Variants in PARP10 observed in about 807,000 individuals in gnomAD.
PARP10 encodes the protein protein mono-ADP-ribosyltransferase PARP10.
Under a neutral mutation model 82.4 loss-of-function variants are expected in PARP10, and 56 were observed. The observed-to-expected ratio is 0.68, with a 90% CI of 0.55 to 0.85. PARP10 has a LOEUF of 0.85. Among genes scored for constraint, PARP10 ranks in the 40% least tolerant of loss-of-function variants. The pLI, the probability that PARP10 is intolerant of heterozygous loss-of-function variation, is 0.00. For synonymous variants in PARP10, 576 were observed against 601.1 expected, an observed-to-expected ratio of 0.96 and a Z score of 0.61; for missense variants, 1,227 against 1,379.4, an observed-to-expected ratio of 0.89 and a Z score of 1.75.
chr8:143,991,393 AC>A, upstream of PARP10: 3 of 1,128,256 alleles, frequency 2.7e-6, no homozygotes, highest in Non-Finnish European at 3.7e-6. Flanking sequence ...CAGCCAGGGT[AC>A]CCCCATGGCC....
At chr8:143,991,375 C>T (rs782305188), upstream of PARP10, 29 of 1,212,580 alleles carry the variant, frequency 2.4e-5, no homozygotes, top group Non-Finnish European at 3.3e-5. Flanking sequence ...CAGCCCTCCC[C>T]CTACGGTCAG....
intron 5 of PARP10, 24 bp downstream of exon 5, chr8:143,984,520 G>A (rs782218190): frequency 1.9e-6 from 3 of 1,594,980 alleles, no homozygotes; most frequent in African/African-American, 1.3e-5. Context: ...GGCTGAAGGT[G>A]AGGAGTCCTG....
At chr8:144,007,785 C>T (rs1342369013) in intron 1 of PARP10, among the ~76,000 whole-genome samples, 2 of 152,178 alleles carry the variant, frequency 1.3e-5, no homozygotes, top group African/African-American at 4.8e-5. Context: ...CAAGCCCTGA[C>T]CTTGACAGCT....
In PARP10 at chr8:144,011,967, G is replaced by T. The variant is rs567435395; in HGVS notation, c.-80+563C>A. 8.5e-5 allele frequency among the ~76,000 whole-genome samples: 13 copies of T among 152,300 alleles called. No homozygotes were observed. Among genetic ancestry groups the T allele is most frequent in the Admixed American group, 2.0e-4 (3 of 15,292 alleles). The stretch of plus-strand genomic sequence containing the variant: ...GCATGTTCAAGATCACCAAGAAGGG[G>T]CATCCTGGCCAGGAAGGTGGAGTGG... On this transcript the variant is annotated intron_variant, in intron 1 of 3. Transcript: ENST00000530478. The surrounding 1 kb of genome is among the most constrained non-coding windows in gnomAD (Gnocchi z 4.5).
chr8:144,003,160 C>T (rs1190085092), intron 1 of PARP10, among the ~76,000 whole-genome samples: 2 of 152,126 alleles, frequency 1.3e-5, no homozygotes, highest in South Asian at 2.1e-4. Flanking sequence ...CGGTGGCTCA[C>T]GCTTGTAATT....
upstream of PARP10, chr8:143,991,358 C>T (rs782607968): frequency 1.5e-5 from 19 of 1,243,090 alleles, no homozygotes; most frequent in South Asian, 2.7e-4. Context: ...ACCCACAGCC[C>T]CCTTTCCAGC....
upstream of PARP10, chr8:143,991,045 GC>G (rs1348855771): frequency 4.2e-6 from 2 of 470,840 alleles, no homozygotes; most frequent in African/African-American, 2.0e-5. Context: ...GCTTCTCCGG[GC>G]CCAGGCTCCG....
At chr8:143,999,572 G>A (rs376547004) in intron 1 of PARP10, among the ~76,000 whole-genome samples, 39 of 151,684 alleles carry the variant, frequency 2.6e-4, no homozygotes, top group Admixed American at 2.2e-3. Context: ...TGTTGGTCTC[G>A]AAGTCCTGGC....
rs1029564274 is a variant in PARP10, at chr8:143,977,490, G to A, written c.3072C>T (p.Asp1024=). The A allele has an allele frequency of 6.5e-7, 1 of 1,547,964 alleles. No homozygotes were observed. The highest frequency in any genetic ancestry group is 8.7e-7 in the Non-Finnish European group (1 of 1,145,572). Residue 1024 remains aspartate (D), a synonymous_variant, in exon 11 of 11, where the codon GAC becomes GAT. Coordinates refer to ENST00000313028, the MANE Select transcript of PARP10 (RefSeq NM_032789.5). The stretch of plus-strand genomic sequence containing the variant: ...CAGAGGGTGGCCCCTTCGGTTAAGT[G>A]TCTGGGGAGCGGCCCGGGAGCCCAG... ...DPSGLPGRSP[D]T is the part of the protein sequence containing the mutation.
intron 1 of PARP10, among the ~76,000 whole-genome samples, chr8:144,006,916 G>C (rs1190154108): frequency 1.3e-5 from 2 of 152,136 alleles, no homozygotes; most frequent in Non-Finnish European, 2.9e-5. Context: ...GGAGTCTGAG[G>C]GGCTGGAAGC....
chr8:143,996,963 G>A (rs1020556581), intron 1 of PARP10, among the ~76,000 whole-genome samples: 9 of 152,082 alleles, frequency 5.9e-5, no homozygotes, highest in African/African-American at 2.2e-4. Flanking sequence ...CAGGCAGGGA[G>A]ACCCAGACTT....
At chr8:143,993,102 T>C (rs531905334), upstream of PARP10, 3 of 468,046 alleles carry the variant, frequency 6.4e-6, no homozygotes, top group East Asian at 7.8e-5. Context: ...TCCTGTCTAC[T>C]CATTGTTGCA....
chr8:143,986,417 C>A lies in PARP10; in HGVS notation c.-58G>T. Reference sequence around the variant, plus strand: ...AGCTCAGCCAGGACTCCTGTGCCTGCCCCTCAGCAAGCCTAACCCTGCTGG... The same window carrying A: ...AGCTCAGCCAGGACTCCTGTGCCTGACCCTCAGCAAGCCTAACCCTGCTGG... On this transcript the variant is annotated 5_prime_UTR_variant, in exon 1 of 11. Coordinates refer to ENST00000313028, the MANE Select transcript of PARP10 (RefSeq NM_032789.5). 1 of 1,613,906 alleles carries A rather than the reference C, an allele frequency of 6.2e-7. No homozygotes were observed. The highest frequency in any genetic ancestry group is 8.5e-7 in the Non-Finnish European group (1 of 1,179,834).
rs1485637133 is a variant in PARP10 at position 143,977,393 on chromosome 8, A to C, written c.*91T>G. 36 of 1,223,376 alleles carry C rather than the reference A, an allele frequency of 2.9e-5. No individual in the cohort carries two copies. Among genetic ancestry groups the C allele is most frequent in the Non-Finnish European group, 3.8e-5 (34 of 902,466 alleles). The allele number at this position is 1,223,376 out of a possible 1,614,324, so 75.8% of individuals were successfully genotyped here. ...GGGAGGCAGGGGCGTCCCCGGGGAC[A>C]GCTCAGGCGGCCACAGTTGGGGGCG... On this transcript the variant is annotated 3_prime_UTR_variant, in exon 11 of 11. Transcript: ENST00000313028.
chr8:143,984,359 G>T lies in PARP10; in HGVS notation c.1531C>A (p.His511Asn). 1 of 1,613,548 alleles carries T rather than the reference G, an allele frequency of 6.2e-7. No homozygotes were observed. Among genetic ancestry groups the T allele is most frequent in the Non-Finnish European group, 8.5e-7 (1 of 1,179,918 alleles). Reference protein sequence around the residue: ...LRSLLGSISCHVLCLEHPGSA... With the variant: ...LRSLLGSISCNVLCLEHPGSA... Reference sequence around the variant, plus strand: ...CCCGGGTGCTCCAGGCACAACACATGGCAGCTAATGCTGCCCAGCAGGCTC... The same window carrying T: ...CCCGGGTGCTCCAGGCACAACACATTGCAGCTAATGCTGCCCAGCAGGCTC... Residue 511 changes from histidine to asparagine, a missense_variant, in exon 6 of 11, where the codon CAT becomes AAT. His to Asn is a moderately conservative substitution (Grantham distance 68, BLOSUM62 1). Transcript: ENST00000313028.
At chr8:143,994,003 C>T (rs902895427), upstream of PARP10, among the ~76,000 whole-genome samples, 2 of 152,238 alleles carry the variant, frequency 1.3e-5, no homozygotes, top group African/African-American at 4.8e-5. Context: ...TGCCCTGTGA[C>T]GCCTGCTGCT....
intron 9 of PARP10, among the ~76,000 whole-genome samples, chr8:143,979,566 C>A (rs1554747185): frequency 6.6e-6 from 1 of 152,178 alleles, no homozygotes; most frequent in East Asian, 1.9e-4. Context: ...GAAGTTCATA[C>A]CAACATCAAA....
chr8:143,988,961 A>G (rs1834045300), upstream of PARP10: 1 of 152,286 alleles, frequency 6.6e-6, no homozygotes. Flanking sequence ...CACCACAAGC[A>G]GACTGGTACA....
In PARP10 at chr8:143,977,315, C is replaced by A. The variant is rs1587442542; in HGVS notation, c.*169G>T. 2 of 734,572 alleles carry A rather than the reference C, an allele frequency of 2.7e-6. No individual in the cohort carries two copies. The highest frequency in any genetic ancestry group is 5.5e-5 in the East Asian group (2 of 36,162). The allele number at this position is 734,572 out of a possible 1,614,324, so 45.5% of individuals were successfully genotyped here. A position where few individuals can be genotyped will look rare whatever the true frequency, so the allele number is the denominator to read the frequency against. On this transcript the variant is annotated 3_prime_UTR_variant, in exon 11 of 11. Coordinates refer to ENST00000313028, the MANE Select transcript of PARP10 (RefSeq NM_032789.5). ...CCCAGGCTGGGACCTAGCCCGGCCCCCCTCGGCCGCTGCTGACCGCCATCC... is the reference window on the plus strand; with the variant it reads ...CCCAGGCTGGGACCTAGCCCGGCCCACCTCGGCCGCTGCTGACCGCCATCC...
Sources: gnomAD v4.1 joint callset for allele counts (sites outside exome capture counted in the v4.1 genomes callset) on GRCh38, gnomAD v4.1.1 for gene constraint, Gnocchi (gnomAD v3.1) non-coding constraint, MANE v1.5 for transcripts, NCBI Gene and HGNC (gene_info 2026-07-23, HGNC 2026-07-21) for gene names.